Variants in NEURL1B observed in about 807,000 individuals in gnomAD.
The protein encoded by NEURL1B is E3 ubiquitin-protein ligase NEURL1B.
NEURL1B carries 13 observed loss-of-function variants against 37.4 expected under a neutral mutation model. The ratio of observed to expected loss-of-function variants is 0.35; its 90% CI spans 0.23 to 0.55. The LOEUF (loss-of-function observed/expected upper bound fraction) is 0.55, where lower values mean the gene tolerates loss of function less well. Among genes scored for constraint, NEURL1B ranks in the 20% least tolerant of loss-of-function variants. NEURL1B has a pLI of 0.89. For synonymous variants in NEURL1B, 432 were observed against 426.6 expected, an observed-to-expected ratio of 1.01 and a Z score of -0.16; for missense variants, 790 against 879.2, an observed-to-expected ratio of 0.90 and a Z score of 1.28.
chr5:172,684,313 C>T (rs1360796251), intron 3 of NEURL1B, among the ~76,000 whole-genome samples, 175 bp downstream of exon 3: 1 of 152,150 alleles, frequency 6.6e-6, no homozygotes, highest in Non-Finnish European at 1.5e-5. Context: ...CCAAAATTGC[C>T]GGACTCCACC....
In NEURL1B at chr5:172,641,864, G is replaced by C. The variant is rs1197529116; in HGVS notation, c.31+427G>C. Among the ~76,000 whole-genome samples the C allele has an allele frequency of 6.6e-6, 1 of 152,154 alleles. No homozygotes were observed. The highest frequency in any genetic ancestry group is 2.4e-5 in the African/African-American group (1 of 41,442). On this transcript the variant is annotated intron_variant, in intron 1 of 4. Coordinates refer to ENST00000369800, the MANE Select transcript of NEURL1B (RefSeq NM_001142651.3). This position sits in a 1 kb window ranked among gnomAD's most constrained non-coding sequence, Gnocchi z 6.4. ...CAAGACTGCAGCTGCCGAGAGTGAG[G>C]GGTGCTCTCAGGGGCACCCCAGTTT...
chr5:172,685,486 C>T (rs1758474779), intron 3 of NEURL1B, among the ~76,000 whole-genome samples: 1 of 152,172 alleles, frequency 6.6e-6, no homozygotes, highest in South Asian at 2.1e-4. Context: ...TTGTCTGAAC[C>T]AACAGCAAGC....
Position 172,676,746 on chromosome 5 carries a change from C to T in NEURL1B, c.577+6416C>T, listed in dbSNP as rs2113318335. Reference sequence around the variant, plus strand: ...CTAGGCACTTACTCTGTGCCAGGCACAATGCTGAGAGCTTGATGTGGGTCA... The same window carrying T: ...CTAGGCACTTACTCTGTGCCAGGCATAATGCTGAGAGCTTGATGTGGGTCA... On this transcript the variant is annotated intron_variant, in intron 2 of 4. Coordinates refer to ENST00000369800, the MANE Select transcript of NEURL1B (RefSeq NM_001142651.3). The surrounding 1 kb of genome is among the most constrained non-coding windows in gnomAD (Gnocchi z 4.5). 6.6e-6 allele frequency among the ~76,000 whole-genome samples: 1 copy of T among 152,342 alleles called. No individual in the cohort carries two copies. The highest frequency in any genetic ancestry group is 6.5e-5 in the Admixed American group (1 of 15,302).
In NEURL1B at chr5:172,657,967, C is replaced by T. The variant is rs989352721; in HGVS notation, c.32-11818C>T. ...TCTTATAAGTGCATAGAAGAAAACG[C>T]TGACATATGCTGCCTTCTCTGTCTG... On this transcript the variant is annotated intron_variant, in intron 1 of 4. Coordinates refer to ENST00000369800, the MANE Select transcript of NEURL1B (RefSeq NM_001142651.3). This position sits in a 1 kb window ranked among gnomAD's most constrained non-coding sequence, Gnocchi z 4.0. Among the ~76,000 whole-genome samples the T allele has an allele frequency of 6.6e-6, 1 of 152,212 alleles. No individual in the cohort carries two copies. The highest frequency in any genetic ancestry group is 1.5e-5 in the Non-Finnish European group (1 of 68,040).
At chr5:172,642,006 G>C (rs1757471882) in intron 1 of NEURL1B, among the ~76,000 whole-genome samples, 1 of 152,238 alleles carries the variant, frequency 6.6e-6, no homozygotes, top group South Asian at 2.1e-4. Flanking sequence ...CGCCCCCTCG[G>C]AGTCGCTGCT....
chr5:172,654,700 T>C (rs1581422474), intron 1 of NEURL1B, among the ~76,000 whole-genome samples: 1 of 151,980 alleles, frequency 6.6e-6, no homozygotes, highest in African/African-American at 2.4e-5. Context: ...ACAGATTGAA[T>C]GTATTTGGGC....
intron 2 of NEURL1B, among the ~76,000 whole-genome samples, chr5:172,682,876 CTG>C (rs1426560408): frequency 2.0e-5 from 3 of 152,214 alleles, no homozygotes; most frequent in Non-Finnish European, 2.9e-5. Flanking sequence ...CTCAGTTTCC[CTG>C]TGAGCTCAAT....
At chr5:172,674,661 C>G (rs568659290) in intron 2 of NEURL1B, among the ~76,000 whole-genome samples, 1 of 152,160 alleles carries the variant, frequency 6.6e-6, no homozygotes, top group African/African-American at 2.4e-5. Flanking sequence ...GTTGTGCTAA[C>G]GATTCCCTTT....
At position 172,641,550 on chromosome 5, in the gene NEURL1B, C is replaced by T. The variant is rs113111778; in HGVS notation, c.31+113C>T. The T allele has an allele frequency of 1.4e-3, 1,320 of 933,976 alleles. 17 individuals are homozygous for T. In the African/African-American group the frequency reaches 0.02, roughly 14 times the overall value. 57.9% of individuals were successfully genotyped at this position (933,976 alleles called of 1,614,324 possible). A position where few individuals can be genotyped will look rare whatever the true frequency, so the allele number is the denominator to read the frequency against. On this transcript the variant is annotated intron_variant, in intron 1 of 4. Coordinates refer to ENST00000369800, the MANE Select transcript of NEURL1B (RefSeq NM_001142651.3). This position sits in a 1 kb window ranked among gnomAD's most constrained non-coding sequence, Gnocchi z 6.4. ...GGCCCTTGGAGCCCTCGGCTCGCAG[C>T]GGGCTGGAGTCTCCGGTACCTCCCG...
At chr5:172,658,399 G>A (rs903307846) in intron 1 of NEURL1B, among the ~76,000 whole-genome samples, 1 of 152,160 alleles carries the variant, frequency 6.6e-6, no homozygotes, top group African/African-American at 2.4e-5. Context: ...CTGCTCTCAT[G>A]AGGCTTTCAG....
intron 3 of NEURL1B, 27 bp downstream of exon 3, chr5:172,684,165 G>C (rs1213378931): frequency 2.5e-6 from 3 of 1,219,396 alleles, no homozygotes; most frequent in Non-Finnish European, 3.1e-6. Context: ...GCGTGCGCGA[G>C]GCCCCGCCCC....
intron 2 of NEURL1B, among the ~76,000 whole-genome samples, chr5:172,681,011 T>TA (rs1327289462): frequency 2.6e-5 from 4 of 152,126 alleles, no homozygotes; most frequent in African/African-American, 9.7e-5. Flanking sequence ...TTAGGAAACT[T>TA]ACAATCATGG....
At position 172,686,354 on chromosome 5, in the gene NEURL1B, G is replaced by C; in HGVS notation, c.1423+58G>C. Reference sequence around the variant, plus strand: ...GCTGGCGGCTGGCCTGGCTCCTCCGGCTGTGCCAGTGGCCTTCCAGGGACT... The same window carrying C: ...GCTGGCGGCTGGCCTGGCTCCTCCGCCTGTGCCAGTGGCCTTCCAGGGACT... On this transcript the variant is annotated intron_variant, in intron 4 of 4. Coordinates refer to ENST00000369800, the MANE Select transcript of NEURL1B (RefSeq NM_001142651.3). This position sits in a 1 kb window ranked among gnomAD's most constrained non-coding sequence, Gnocchi z 7.9. The C allele has an allele frequency of 6.5e-7, 1 of 1,530,764 alleles. No homozygotes were observed. The highest frequency in any genetic ancestry group is 8.8e-7 in the Non-Finnish European group (1 of 1,132,128). 94.8% of individuals were successfully genotyped at this position (1,530,764 alleles called of 1,614,324 possible).
chr5:172,662,903 C>T (rs1402722466), intron 1 of NEURL1B, among the ~76,000 whole-genome samples: 1 of 152,098 alleles, frequency 6.6e-6, no homozygotes, highest in Non-Finnish European at 1.5e-5. Context: ...GCCCTCTAGT[C>T]TTGGTGGGGC....
At position 172,675,807 on chromosome 5, in the gene NEURL1B, A is replaced by G. The variant is rs1220384323; in HGVS notation, c.577+5477A>G. ...CGAAAATCACTGTTGATGATTCTAG[A>G]TTAGTGTTTTTTCATGTTTTGTGCC... On this transcript the variant is annotated intron_variant, in intron 2 of 4. Coordinates refer to ENST00000369800, the MANE Select transcript of NEURL1B (RefSeq NM_001142651.3). This position sits in a 1 kb window ranked among gnomAD's most constrained non-coding sequence, Gnocchi z 4.7. Among the ~76,000 whole-genome samples the G allele has an allele frequency of 6.6e-6, 1 of 152,166 alleles. No individual in the cohort carries two copies. The highest frequency in any genetic ancestry group is 1.5e-5 in the Non-Finnish European group (1 of 68,032).
Position 172,683,408 on chromosome 5 carries a change from T to C in NEURL1B, c.578-11T>C. On this transcript the variant is annotated splice_polypyrimidine_tract_variant and intron_variant, in intron 2 of 4. Coordinates refer to ENST00000369800, the MANE Select transcript of NEURL1B (RefSeq NM_001142651.3). This position sits in a 1 kb window ranked among gnomAD's most constrained non-coding sequence, Gnocchi z 5.6. ...CTCTCCCCCTCCATGTCCCTCCCTT[T>C]GTCCGCACAGAGAGCGCCTTCGCTG... 7.5e-7 allele frequency: 1 copy of C among 1,331,528 alleles called. No individual in the cohort carries two copies. Among genetic ancestry groups the C allele is most frequent in the Non-Finnish European group, 9.7e-7 (1 of 1,034,548 alleles). 82.5% of individuals were successfully genotyped at this position (1,331,528 alleles called of 1,614,324 possible).
chr5:172,673,621 A>C (rs1350476739), intron 2 of NEURL1B, among the ~76,000 whole-genome samples: 1 of 152,088 alleles, frequency 6.6e-6, no homozygotes, highest in Non-Finnish European at 1.5e-5. Flanking sequence ...TTTTTGACAC[A>C]GGGTTTCACT....
chr5:172,678,530 C>A (rs1481832565), intron 2 of NEURL1B, among the ~76,000 whole-genome samples: 4 of 151,456 alleles, frequency 2.6e-5, no homozygotes, highest in Admixed American at 2.6e-4. Flanking sequence ...TAGCACCACC[C>A]CCTTGGTTGG....
chr5:172,650,921 A>C (rs1757651471), intron 1 of NEURL1B, among the ~76,000 whole-genome samples: 1 of 152,134 alleles, frequency 6.6e-6, no homozygotes, highest in Non-Finnish European at 1.5e-5. Context: ...AGGTAATCGG[A>C]ATGAGTTAGG....
Sources: allele counts gnomAD v4.1 joint callset (sites outside exome capture counted in the v4.1 genomes callset), GRCh38; gene constraint gnomAD v4.1.1; non-coding constraint Gnocchi (gnomAD v3.1); transcripts MANE v1.5; gene names NCBI Gene and HGNC (gene_info 2026-07-23, HGNC 2026-07-21).